Variants in GALNT13 observed in about 807,000 individuals in gnomAD.
GALNT13 encodes UDP-GalNAc:polypeptide N-acetylgalactosaminyltransferase 13.
Under a neutral mutation model 64.2 loss-of-function variants are expected in GALNT13, and 28 were observed. The ratio of observed to expected loss-of-function variants is 0.44; its 90% CI spans 0.32 to 0.60. The LOEUF is 0.60. Among genes scored for constraint, GALNT13 ranks in the 20% least tolerant of loss-of-function variants. The pLI, the probability that GALNT13 is intolerant of heterozygous loss-of-function variation, is 0.05. For missense variants in GALNT13, 577 were observed against 669.8 expected, an observed-to-expected ratio of 0.86 and a Z score of 1.53; for synonymous variants, 214 against 224.6, an observed-to-expected ratio of 0.95 and a Z score of 0.42.
the GALNT13 span, among the ~76,000 whole-genome samples, chr2:153,184,286 G>A: frequency 6.6e-6 from 1 of 152,114 alleles, no homozygotes; most frequent in Non-Finnish European, 1.5e-5. Context: ...TGTTGTTGGT[G>A]TATAGGAAAG....
At chr2:154,089,235 C>T (rs1701679926) in intron 3 of GALNT13, among the ~76,000 whole-genome samples, 1 of 152,052 alleles carries the variant, frequency 6.6e-6, no homozygotes, top group African/African-American at 2.4e-5. Flanking sequence ...TGTCTCCCTG[C>T]TCTGTAGTTG....
At chr2:153,267,483 A>C in the GALNT13 span, among the ~76,000 whole-genome samples, 1 of 152,330 alleles carries the variant, frequency 6.6e-6, no homozygotes, top group East Asian at 1.9e-4. Flanking sequence ...ACCACCTGGA[A>C]GCCACCAAGG....
the GALNT13 span, among the ~76,000 whole-genome samples, chr2:153,275,218 T>A: frequency 1.3e-5 from 2 of 152,244 alleles, no homozygotes; most frequent in African/African-American, 2.4e-5. Flanking sequence ...TGAGTTTTTT[T>A]AAATTTTCAT....
chr2:153,572,126 C>T, the GALNT13 span, among the ~76,000 whole-genome samples: 23 of 151,570 alleles, frequency 1.5e-4, no homozygotes, highest in African/African-American at 5.3e-4. Flanking sequence ...TCATTACTAG[C>T]CATTGGTATA....
intron 12 of GALNT13, among the ~76,000 whole-genome samples, chr2:154,443,938 T>G (rs1701433306): frequency 6.6e-6 from 1 of 152,144 alleles, no homozygotes; most frequent in South Asian, 2.1e-4. Context: ...CAATACTATC[T>G]TAGGGTTTAG....
At chr2:153,224,329 G>T in the GALNT13 span, among the ~76,000 whole-genome samples, 13 of 152,064 alleles carry the variant, frequency 8.5e-5, no homozygotes, top group African/African-American at 3.1e-4. Flanking sequence ...ACTAGAGAAG[G>T]GGGGAAGGGG....
At chr2:153,533,418 A>G in the GALNT13 span, among the ~76,000 whole-genome samples, 184 of 151,816 alleles carry the variant, frequency 1.2e-3, no homozygotes, top group Non-Finnish European at 2.1e-3. Context: ...CGTCCAGCTA[A>G]TTTTTGTATT....
intron 1 of GALNT13, among the ~76,000 whole-genome samples, chr2:153,872,648 C>T (rs1354781254): frequency 6.8e-6 from 1 of 146,272 alleles, no homozygotes; most frequent in Admixed American, 6.8e-5. Flanking sequence ...GGCTCTGGCC[C>T]CCTCTGCGTT....
chr2:154,410,435 G>T (rs745903624), intron 11 of GALNT13, among the ~76,000 whole-genome samples: 1 of 151,812 alleles, frequency 6.6e-6, no homozygotes, highest in African/African-American at 2.4e-5. Flanking sequence ...TCATCAGCTG[G>T]TCAGAAGAGG....
At chr2:154,426,983 A>G (rs2105438568) in intron 11 of GALNT13, among the ~76,000 whole-genome samples, 2 of 152,338 alleles carry the variant, frequency 1.3e-5, no homozygotes, top group African/African-American at 4.8e-5. Context: ...TGAGTCCACA[A>G]GATTTTTTTA....
At chr2:153,590,063 A>C in the GALNT13 span, among the ~76,000 whole-genome samples, 2 of 152,214 alleles carry the variant, frequency 1.3e-5, no homozygotes, top group Non-Finnish European at 2.9e-5. Flanking sequence ...AAATAAAGGT[A>C]GTTTTTTAAA....
Position 154,337,191 on chromosome 2 carries a change from G to A in GALNT13, c.1156+35602G>A, listed in dbSNP as rs1216119259. Among the ~76,000 whole-genome samples, 5 of 152,188 alleles carry A rather than the reference G, an allele frequency of 3.3e-5. No homozygotes were observed. The South Asian group carries it at 1.0e-3, about 32-fold the overall frequency. On this transcript the variant is annotated intron_variant, in intron 9 of 12. Coordinates refer to ENST00000392825, the MANE Select transcript of GALNT13 (RefSeq NM_052917.4). ...AATTTGTAAAATGGAATATAGTGAT[G>A]CAGGCTCATGTTAGTTCAATATGAA...
chr2:153,343,865 AC>A, the GALNT13 span, among the ~76,000 whole-genome samples: 2 of 152,126 alleles, frequency 1.3e-5, no homozygotes, highest in African/African-American at 4.8e-5. Context: ...AACACTAAAC[AC>A]CCTGCATCTA....
the GALNT13 span, among the ~76,000 whole-genome samples, chr2:153,381,901 GT>G: frequency 6.6e-6 from 1 of 152,056 alleles, no homozygotes; most frequent in African/African-American, 2.4e-5. Context: ...ACAAAGCACT[GT>G]TACACAAAGG....
At chr2:153,974,919 G>GT (rs1693980836) in intron 3 of GALNT13, among the ~76,000 whole-genome samples, 2 of 152,002 alleles carry the variant, frequency 1.3e-5, no homozygotes, top group Admixed American at 6.6e-5. Context: ...AAATCTGAAT[G>GT]TTTTTTCTTA....
At chr2:153,747,192 T>A in the GALNT13 span, among the ~76,000 whole-genome samples, 1 of 152,124 alleles carries the variant, frequency 6.6e-6, no homozygotes, top group Non-Finnish European at 1.5e-5. Flanking sequence ...GCTCAAGACT[T>A]TATCCTTTGT....
At chr2:153,662,128 A>G in the GALNT13 span, among the ~76,000 whole-genome samples, 41 of 152,110 alleles carry the variant, frequency 2.7e-4, 1 homozygote, top group Admixed American at 5.9e-4. Context: ...CTTGTTTTTC[A>G]TTAAAGAGAG....
At chr2:154,079,646 C>T (rs537402190) in intron 3 of GALNT13, among the ~76,000 whole-genome samples, 12 of 151,570 alleles carry the variant, frequency 7.9e-5, no homozygotes, top group African/African-American at 2.2e-4. Context: ...GAGTCACCCA[C>T]ATGCATGGTG....
chr2:153,069,031 C>T, the GALNT13 span, among the ~76,000 whole-genome samples: 1 of 152,182 alleles, frequency 6.6e-6, no homozygotes, highest in Admixed American at 6.5e-5. Flanking sequence ...TCAGGTTTAA[C>T]CACACTTAAG....
Sources: allele counts gnomAD v4.1 joint callset (sites outside exome capture counted in the v4.1 genomes callset), GRCh38; gene constraint gnomAD v4.1.1; transcripts MANE v1.5; gene names NCBI Gene and HGNC (gene_info 2026-07-23, HGNC 2026-07-21).